LRTM2: variants seen among roughly 807,000 people sequenced by gnomAD.
The protein encoded by LRTM2 is leucine-rich repeat and transmembrane domain-containing protein 2.
A neutral mutation model predicts 28.1 loss-of-function variants in LRTM2; 18 were observed. The ratio of observed to expected loss-of-function variants is 0.64; its 90% confidence interval spans 0.44 to 0.95. The LOEUF is 0.95. Ranked by LOEUF, LRTM2 falls within the 40% of genes least tolerant of loss-of-function variation. LRTM2 has a pLI of 0.00. For missense variants in LRTM2, 436 were observed against 497.2 expected, an observed-to-expected ratio of 0.88 and a Z score of 1.17; for synonymous variants, 250 against 218.7, an observed-to-expected ratio of 1.14 and a Z score of -1.26.
rs1864499929 is a variant in LRTM2, at chr12:1,829,065, G to A, written c.67+850G>A. Among the ~76,000 whole-genome samples, 1 of 152,328 alleles carries A rather than the reference G, an allele frequency of 6.6e-6. No individual in the cohort carries two copies. The highest frequency in any genetic ancestry group is 6.5e-5 in the Admixed American group (1 of 15,304). On this transcript the variant is annotated intron_variant, in intron 3 of 4. Transcript: ENST00000299194. This position sits in a 1 kb window ranked among gnomAD's most constrained non-coding sequence, Gnocchi z 4.2. Reference sequence around the variant, plus strand: ...GAGAGGCTGGCCCCTGAGTGACTCAGATCTCCTTTCAGCCTCATTCTAGAA... The same window carrying A: ...GAGAGGCTGGCCCCTGAGTGACTCAAATCTCCTTTCAGCCTCATTCTAGAA...
At chr12:1,823,640 G>T (rs914490148) in intron 1 of LRTM2, among the ~76,000 whole-genome samples, 20 of 151,928 alleles carry the variant, frequency 1.3e-4, no homozygotes, top group African/African-American at 4.8e-4. Flanking sequence ...AGCCAGAAAG[G>T]TTTCTAGAAA....
At chr12:1,826,405 C>T (rs112547985) in intron 1 of LRTM2, among the ~76,000 whole-genome samples, 1,514 of 39,816 alleles carry the variant, frequency 0.038, 24 homozygotes, top group Non-Finnish European at 0.095. Flanking sequence ...CCAGAGCCCC[C>T]CCCCCCCCCC....
At position 1,828,396 on chromosome 12, in the gene LRTM2, C is replaced by G. The variant is rs1864456950; in HGVS notation, c.67+181C>G. ...AGGGTCACGCCCACGGTGACAGCAT[C>G]CCTGCCAGTCAGAGTCACCGCTGAG... On this transcript the variant is annotated intron_variant, in intron 3 of 4. Transcript: ENST00000299194. The surrounding 1 kb of genome is among the most constrained non-coding windows in gnomAD (Gnocchi z 4.2). Among the ~76,000 whole-genome samples the G allele has an allele frequency of 6.6e-6, 1 of 152,216 alleles. No individual in the cohort carries two copies. Among genetic ancestry groups the G allele is most frequent in the African/African-American group, 2.4e-5 (1 of 41,460 alleles).
chr12:1,833,951 G>A lies in LRTM2; in HGVS notation c.659-316G>A, dbSNP rs1426305343. Among the ~76,000 whole-genome samples, 2 of 152,154 alleles carry A rather than the reference G, an allele frequency of 1.3e-5. No individual in the cohort carries two copies. Among genetic ancestry groups the A allele is most frequent in the Non-Finnish European group, 1.5e-5 (1 of 68,028 alleles). The stretch of plus-strand genomic sequence containing the variant: ...TAGCACTGCCTTACTCTGTGGGTCC[G>A]TTTGGCCTGGGAGAGGACAGGCCGG... On this transcript the variant is annotated intron_variant, in intron 4 of 4. Transcript: ENST00000299194. The surrounding 1 kb of genome is among the most constrained non-coding windows in gnomAD (Gnocchi z 4.2).
intron 1 of LRTM2, chr12:1,822,022 G>GCAGCTTC (rs1286507797): frequency 6.6e-6 from 1 of 152,128 alleles, no homozygotes; most frequent in Non-Finnish European, 1.5e-5. Context: ...AAACCCGACA[G>GCAGCTTC]CAGCTTCCGA....
chr12:1,834,534 G>A lies in LRTM2; in HGVS notation c.926G>A (p.Gly309Asp). The A allele has an allele frequency of 1.2e-6, 2 of 1,604,950 alleles. No individual in the cohort carries two copies. The highest frequency in any genetic ancestry group is 8.5e-7 in the Non-Finnish European group (1 of 1,179,910). ...CCGGCGAGCGTGAGGCGAGCCATGG[G>A]CACGGTGATCATTGCAGGGGTCGTG... ...HRPASVRRAM[G>D]TVIIAGVVCG... The change falls in exon 5 of 5, where the codon GGC (glycine) becomes GAC (aspartate). Residue 309 changes from glycine to aspartate, a missense_variant. By Grantham distance (94) the Gly-to-Asp change is moderately conservative (BLOSUM62 -1). Transcript: ENST00000299194. The surrounding 1 kb of genome is among the most constrained non-coding windows in gnomAD (Gnocchi z 7.6).
chr12:1,823,790 G>A (rs1021429685), intron 1 of LRTM2, among the ~76,000 whole-genome samples: 1 of 152,210 alleles, frequency 6.6e-6, no homozygotes, highest in African/African-American at 2.4e-5. Context: ...GACAAAAACA[G>A]CTGCCTTCTC....
chr12:1,834,506 C>G lies in LRTM2; in HGVS notation c.898C>G (p.Arg300Gly). 6.2e-7 allele frequency: 1 copy of G among 1,607,320 alleles called. No homozygotes were observed. The highest frequency in any genetic ancestry group is 1.1e-5 in the South Asian group (1 of 91,062). Residue 300 changes from arginine (R) to glycine (G), a missense_variant, in exon 5 of 5, where the codon CGG (arginine) becomes GGG (glycine). Arg to Gly is a moderately radical substitution (Grantham distance 125, BLOSUM62 -2). Coordinates refer to ENST00000299194, the MANE Select transcript of LRTM2 (RefSeq NM_001039029.3). The surrounding 1 kb of genome is among the most constrained non-coding windows in gnomAD (Gnocchi z 7.6). ...AGCCTGCCCACAGAAGCAGAGGCAC[C>G]GGCCGGCGAGCGTGAGGCGAGCCAT... is the stretch of plus-strand genomic sequence containing the variant. ...STACPQKQRHRPASVRRAMGT... is the reference protein window; with the variant it reads ...STACPQKQRHGPASVRRAMGT...
At position 1,831,147 on chromosome 12, in the gene LRTM2, C is replaced by T. The variant is rs761977925; in HGVS notation, c.280C>T (p.Leu94=). The T allele has an allele frequency of 6.2e-7, 1 of 1,614,066 alleles. No homozygotes were observed. Among genetic ancestry groups the T allele is most frequent in the East Asian group, 2.2e-5 (1 of 44,886 alleles). The change falls in exon 4 of 5, where the codon CTG becomes TTG. Residue 94 remains leucine, a synonymous_variant. Transcript: ENST00000299194. The part of the protein sequence containing the change: ...PSWAFANLSS[L]QRLDLSNNFL... ...CTGGGCTTTCGCCAACCTCTCCAGC[C>T]TGCAGCGGTTGGACCTGTCCAACAA...
chr12:1,828,180 G>A lies in LRTM2; in HGVS notation c.32G>A (p.Arg11Lys). 6.5e-7 allele frequency: 1 copy of A among 1,547,290 alleles called. No individual in the cohort carries two copies. Among genetic ancestry groups the A allele is most frequent in the Admixed American group, 2.0e-5 (1 of 50,706 alleles). The change falls in exon 3 of 5, where the codon AGG becomes AAG. Residue 11 changes from arginine (R) to lysine (K), a missense_variant. Transcript: ENST00000299194. This position sits in a 1 kb window ranked among gnomAD's most constrained non-coding sequence, Gnocchi z 4.2. MLAPGSSPGQ[R>K]GRLALQWRQV... ...GCGCCGGGCAGCAGCCCTGGGCAGA[G>A]GGGCAGGCTCGCCCTGCAGTGGAGG...
intron 3 of LRTM2, among the ~76,000 whole-genome samples, 166 bp from the exon 4 acceptor site, chr12:1,830,769 G>C (rs1309833899): frequency 6.6e-6 from 1 of 152,242 alleles, no homozygotes; most frequent in Non-Finnish European, 1.5e-5. Flanking sequence ...CTTTGGATTT[G>C]TTAATTATGC....
chr12:1,828,134 G>A lies in LRTM2; in HGVS notation c.-15G>A. On this transcript the variant is annotated 5_prime_UTR_variant, in exon 3 of 5. Coordinates refer to ENST00000299194, the MANE Select transcript of LRTM2 (RefSeq NM_001039029.3). This position sits in a 1 kb window ranked among gnomAD's most constrained non-coding sequence, Gnocchi z 4.2. ...TCCCCAGAGCGACAGGGCCCGGAGA[G>A]CCGTGGGCCTCACCATGCTGGCGCC... is the stretch of plus-strand genomic sequence containing the variant. 2.0e-6 allele frequency: 3 copies of A among 1,533,178 alleles called. No individual in the cohort carries two copies. Among genetic ancestry groups the A allele is most frequent in the Non-Finnish European group, 1.8e-6 (2 of 1,138,584 alleles). The allele number at this position is 1,533,178 out of a possible 1,614,324, so 95.0% of individuals were successfully genotyped here.
rs750633166 is a variant in LRTM2 at position 1,829,198 on chromosome 12, G to A, written c.67+983G>A. Among the ~76,000 whole-genome samples, 23 of 152,298 alleles carry A rather than the reference G, an allele frequency of 1.5e-4. No individual in the cohort carries two copies. Among genetic ancestry groups the A allele is most frequent in the African/African-American group, 1.9e-4 (8 of 41,560 alleles). ...GCGCAGGGAGTCGCTCTTCCGCAGC[G>A]GCTCTCTTAGCCTGCTGTCAGGCCC... On this transcript the variant is annotated intron_variant, in intron 3 of 4. Transcript: ENST00000299194. The surrounding 1 kb of genome is among the most constrained non-coding windows in gnomAD (Gnocchi z 4.2).
chr12:1,829,173 G>A lies in LRTM2; in HGVS notation c.67+958G>A, dbSNP rs540490806. 6.6e-5 allele frequency among the ~76,000 whole-genome samples: 10 copies of A among 152,174 alleles called. No individual in the cohort carries two copies. The highest frequency in any genetic ancestry group is 1.0e-4 in the Non-Finnish European group (7 of 68,034). ...ACCTTGATCTCCAGGGAGGTGGGGG[G>A]CGCAGGGAGTCGCTCTTCCGCAGCG... On this transcript the variant is annotated intron_variant, in intron 3 of 4. Transcript: ENST00000299194. This position sits in a 1 kb window ranked among gnomAD's most constrained non-coding sequence, Gnocchi z 4.2.
At position 1,826,479 on chromosome 12, in the gene LRTM2, A is replaced by T. The variant is rs1034307668; in HGVS notation, c.-258-931A>T. On this transcript the variant is annotated intron_variant, in intron 1 of 4. Coordinates refer to ENST00000299194, the MANE Select transcript of LRTM2 (RefSeq NM_001039029.3). ...GAGACAGTGGTTAGAGAACCATGAC[A>T]GCACCACGCTCAGGGGCTCCTCCAC... Among the ~76,000 whole-genome samples the T allele has an allele frequency of 1.5e-4, 22 of 142,628 alleles. 1 individual carries two copies. The highest frequency in any genetic ancestry group is 4.7e-4 in the African/African-American group (18 of 38,622). 93.6% of individuals were successfully genotyped at this position (142,628 alleles called of 152,430 possible).
chr12:1,827,168 A>G (rs575422494), intron 1 of LRTM2, among the ~76,000 whole-genome samples: 21 of 152,022 alleles, frequency 1.4e-4, no homozygotes, highest in Non-Finnish European at 2.6e-4. Context: ...GCAGGTAAAC[A>G]CATGCCAGTC....
chr12:1,834,468 C>T lies in LRTM2; in HGVS notation c.860C>T (p.Pro287Leu), dbSNP rs528257141. 1.6e-5 allele frequency: 25 copies of T among 1,610,660 alleles called. No individual in the cohort carries two copies. The highest frequency in any genetic ancestry group is 1.7e-4 in the Middle Eastern group (1 of 6,058). The change falls in exon 5 of 5, where the codon CCG becomes CTG. Residue 287 changes from proline to leucine, a missense_variant. Transcript: ENST00000299194. This position sits in a 1 kb window ranked among gnomAD's most constrained non-coding sequence, Gnocchi z 7.6. ...AKPKPGAEPE[P>L]EPSTACPQKQ... ...CCCAAGCCCGGGGCTGAGCCGGAGCCGGAGCCCAGCACAGCCTGCCCACAG... is the reference window on the plus strand; with the variant it reads ...CCCAAGCCCGGGGCTGAGCCGGAGCTGGAGCCCAGCACAGCCTGCCCACAG...
intron 1 of LRTM2, among the ~76,000 whole-genome samples, chr12:1,822,594 T>A (rs1354465231): frequency 1.3e-5 from 2 of 152,038 alleles, no homozygotes; most frequent in African/African-American, 4.8e-5. Flanking sequence ...GAGGGTCTGT[T>A]TGAGATTGAG....
At chr12:1,822,830 GCTGTGGCAGCCTCCC>G (rs148179779) in intron 1 of LRTM2, among the ~76,000 whole-genome samples, 1,572 of 152,324 alleles carry the variant, frequency 0.01, 37 homozygotes, top group African/African-American at 0.036. Context: ...AGCCTAGACG[GCTGTGGCAGCCTCCC>G]CTGCGTCCTG....
Sources: gnomAD v4.1 joint callset for allele counts (sites outside exome capture counted in the v4.1 genomes callset) on GRCh38, gnomAD v4.1.1 for gene constraint, Gnocchi (gnomAD v3.1) non-coding constraint, MANE v1.5 for transcripts, NCBI Gene and HGNC (gene_info 2026-07-23, HGNC 2026-07-21) for gene names.